The following PPP2R3A variants were observed in gnomAD, a reference collection of about 807,000 sequenced individuals.
PPP2R3A encodes serine/threonine-protein phosphatase 2A regulatory subunit B'' subunit alpha.
A neutral mutation model predicts 106.9 loss-of-function variants in PPP2R3A; 80 were observed. The observed-to-expected ratio is 0.75, with a 90% confidence interval of 0.62 to 0.90. The LOEUF is 0.90. Among genes scored for constraint, PPP2R3A ranks in the 40% least tolerant of loss-of-function variants. The pLI, the probability that PPP2R3A is intolerant of heterozygous loss-of-function variation, is 0.00. For missense variants in PPP2R3A, 1,386 were observed against 1,350.4 expected, an observed-to-expected ratio of 1.03 and a Z score of -0.41; for synonymous variants, 483 against 468.3, an observed-to-expected ratio of 1.03 and a Z score of -0.41.
intron 13 of PPP2R3A, among the ~76,000 whole-genome samples, chr3:136,133,782 A>G (rs923707846): frequency 6.7e-6 from 1 of 150,062 alleles, no homozygotes; most frequent in African/African-American, 2.4e-5. Flanking sequence ...ATATGTATAT[A>G]TATATATTTT....
At chr3:136,107,970 T>C (rs1407434469) in intron 13 of PPP2R3A, among the ~76,000 whole-genome samples, 2 of 152,176 alleles carry the variant, frequency 1.3e-5, no homozygotes, top group East Asian at 3.8e-4. Context: ...CCCAGCACTT[T>C]GGGAGGCTGA....
intron 13 of PPP2R3A, among the ~76,000 whole-genome samples, chr3:136,112,327 T>C (rs530278378): frequency 2.0e-5 from 3 of 152,086 alleles, no homozygotes; most frequent in African/African-American, 7.2e-5. Flanking sequence ...CTCATCAAAA[T>C]AGGAAGAGAG....
intron 5 of PPP2R3A, among the ~76,000 whole-genome samples, chr3:136,059,702 A>G (rs1000410367): frequency 6.6e-6 from 1 of 152,234 alleles, no homozygotes; most frequent in African/African-American, 2.4e-5. Flanking sequence ...CACTGTTCAC[A>G]ATAGCAAAGA....
intron 1 of PPP2R3A, among the ~76,000 whole-genome samples, chr3:135,983,902 T>C (rs116537163): frequency 0.011 from 1,684 of 152,342 alleles, 35 homozygotes; most frequent in African/African-American, 0.039. Flanking sequence ...CATTATTCAT[T>C]GGTTTTTAAG....
chr3:136,030,822 GTATA>G (rs1407087964), intron 3 of PPP2R3A, among the ~76,000 whole-genome samples: 1 of 137,980 alleles, frequency 7.2e-6, no homozygotes, highest in Non-Finnish European at 1.5e-5. Context: ...ATGTATGTAT[GTATA>G]CACACACACA....
intron 2 of PPP2R3A, among the ~76,000 whole-genome samples, chr3:136,019,552 G>C (rs1934391750): frequency 6.6e-6 from 1 of 152,046 alleles, no homozygotes; most frequent in Non-Finnish European, 1.5e-5. Context: ...TCTTTTCCTG[G>C]AAAGTCACTC....
At chr3:135,979,214 A>G (rs1022026685) in intron 1 of PPP2R3A, among the ~76,000 whole-genome samples, 1 of 151,562 alleles carries the variant, frequency 6.6e-6, no homozygotes, top group African/African-American at 2.4e-5. Flanking sequence ...CCCCGTCTCT[A>G]CTAAAAATAC....
intron 4 of PPP2R3A, among the ~76,000 whole-genome samples, chr3:136,046,587 CA>C (rs1392072178): frequency 2.0e-5 from 3 of 151,910 alleles, no homozygotes; most frequent in African/African-American, 4.8e-5. Context: ...AAAGTAAAAA[CA>C]AAAAAGCTCC....
intron 2 of PPP2R3A, among the ~76,000 whole-genome samples, chr3:136,013,282 G>A (rs1934154193): frequency 6.6e-6 from 1 of 151,674 alleles, no homozygotes; most frequent in Non-Finnish European, 1.5e-5. Context: ...TGGTTCCATA[G>A]TTTTGCAATT....
intron 2 of PPP2R3A, among the ~76,000 whole-genome samples, chr3:136,009,999 G>A (rs1933990163): frequency 6.6e-6 from 1 of 152,152 alleles, no homozygotes; most frequent in Non-Finnish European, 1.5e-5. Flanking sequence ...CTGTGTGGCA[G>A]TCCTACTGTG....
intron 2 of PPP2R3A, among the ~76,000 whole-genome samples, chr3:136,018,134 C>T (rs1934343211): frequency 6.6e-6 from 1 of 152,036 alleles, no homozygotes; most frequent in South Asian, 2.1e-4. Flanking sequence ...GGGCACAGTG[C>T]CATGTGCCTG....
At chr3:136,025,125 T>C (rs1240949591) in intron 2 of PPP2R3A, among the ~76,000 whole-genome samples, 1 of 152,184 alleles carries the variant, frequency 6.6e-6, no homozygotes, top group African/African-American at 2.4e-5. Context: ...TCTTACATGA[T>C]AGATGGATCT....
intron 13 of PPP2R3A, among the ~76,000 whole-genome samples, chr3:136,127,497 G>T (rs1413841332): frequency 6.6e-6 from 1 of 152,184 alleles, no homozygotes; most frequent in Non-Finnish European, 1.5e-5. Context: ...AAGCCTCCAA[G>T]AAATATGGGA....
At chr3:136,030,455 G>A (rs960784747) in intron 3 of PPP2R3A, among the ~76,000 whole-genome samples, 5 of 151,902 alleles carry the variant, frequency 3.3e-5, no homozygotes, top group Non-Finnish European at 5.9e-5. Context: ...GGTTACACGA[G>A]TAAGTTCTTT....
chr3:136,136,715 G>A (rs1938637382), intron 13 of PPP2R3A, among the ~76,000 whole-genome samples: 1 of 152,116 alleles, frequency 6.6e-6, no homozygotes, highest in African/African-American at 2.4e-5. Context: ...CTCACTACAA[G>A]GATATCTACA....
intron 13 of PPP2R3A, among the ~76,000 whole-genome samples, chr3:136,141,334 T>C (rs1938864772): frequency 6.6e-6 from 1 of 152,032 alleles, no homozygotes; most frequent in Non-Finnish European, 1.5e-5. Context: ...AAACAGCATG[T>C]TGGGGAGATT....
At position 136,145,427 on chromosome 3, in the gene PPP2R3A, G is replaced by C. The variant is rs1939079356; in HGVS notation, c.*261G>C. 1 of 269,100 alleles carries C rather than the reference G, an allele frequency of 3.7e-6. No individual in the cohort carries two copies. Among genetic ancestry groups the C allele is most frequent in the South Asian group, 4.6e-5 (1 of 21,588 alleles). 16.7% of individuals were successfully genotyped at this position (269,100 alleles called of 1,614,324 possible). ...TCCAAAGTCAGCACTCTACACTCTT[G>C]AATGTACCAAGGATCTCTTGGCGAC... On this transcript the variant is annotated 3_prime_UTR_variant, in exon 14 of 14. Coordinates refer to ENST00000264977, the MANE Select transcript of PPP2R3A (RefSeq NM_002718.5).
intron 10 of PPP2R3A, among the ~76,000 whole-genome samples, chr3:136,099,303 A>G (rs1180420928): frequency 6.6e-6 from 1 of 152,216 alleles, no homozygotes; most frequent in Non-Finnish European, 1.5e-5. Context: ...AGAACAGAGG[A>G]TCACTAGATA....
At chr3:136,070,389 C>A in intron 5 of PPP2R3A, 89 bp from the exon 6 acceptor site, 2 of 950,290 alleles carry the variant, frequency 2.1e-6, no homozygotes, top group Non-Finnish European at 3.1e-6. Flanking sequence ...AGCAAGTTTG[C>A]TCAACTGGCA....
Sources: allele counts gnomAD v4.1 joint callset (sites outside exome capture counted in the v4.1 genomes callset), GRCh38; gene constraint gnomAD v4.1.1; transcripts MANE v1.5; gene names NCBI Gene and HGNC (gene_info 2026-07-23, HGNC 2026-07-21).